UNC5C: variants seen among roughly 807,000 people sequenced by gnomAD.
The protein encoded by UNC5C is unc-5 netrin receptor C, also known as netrin receptor UNC5C.
In UNC5C, 47 loss-of-function variants were observed where a neutral mutation model predicts 99.8. The observed-to-expected ratio is 0.47, with a 90% confidence interval of 0.37 to 0.60. The LOEUF is 0.60. UNC5C is among the 20% of genes least tolerant of loss of function. The probability of loss-of-function intolerance (pLI) is 0.00; values close to 1 mark genes in which losing one functional copy is unlikely to be tolerated. For missense variants in UNC5C, 1,062 were observed against 1,165.9 expected, an observed-to-expected ratio of 0.91 and a Z score of 1.30; for synonymous variants, 487 against 452.2, an observed-to-expected ratio of 1.08 and a Z score of -0.98.
At chr4:95,405,629 A>T (rs1745813394) in intron 1 of UNC5C, among the ~76,000 whole-genome samples, 1 of 152,154 alleles carries the variant, frequency 6.6e-6, no homozygotes, top group South Asian at 2.1e-4. Flanking sequence ...TTATTAAGAG[A>T]TCTGAGCTGA....
intron 1 of UNC5C, among the ~76,000 whole-genome samples, chr4:95,381,270 A>G (rs573587491): frequency 6.6e-6 from 1 of 152,320 alleles, no homozygotes; most frequent in Admixed American, 6.5e-5. Context: ...TTGAAGAGCT[A>G]TACCATGGAG....
chr4:95,272,423 A>G (rs1446126261), intron 4 of UNC5C, among the ~76,000 whole-genome samples: 4 of 152,242 alleles, frequency 2.6e-5, no homozygotes, highest in Non-Finnish European at 1.5e-5. Flanking sequence ...TTTAAAATGC[A>G]TGTTTATGTT....
At chr4:95,292,266 T>TATATATATATATATAA (rs1361082093) in intron 3 of UNC5C, among the ~76,000 whole-genome samples, 1 of 58,106 alleles carries the variant, frequency 1.7e-5, no homozygotes, top group Non-Finnish European at 3.4e-5. Flanking sequence ...TATATATATA[T>TATATATATATATATAA]AAATTTTTTT....
intron 1 of UNC5C, among the ~76,000 whole-genome samples, chr4:95,469,156 G>A (rs1403432579): frequency 3.3e-5 from 5 of 151,922 alleles, no homozygotes; most frequent in African/African-American, 9.7e-5. Flanking sequence ...TTTCTTTTGC[G>A]GCATTTCTTC....
At chr4:95,260,513 T>C (rs1740180403) in intron 4 of UNC5C, among the ~76,000 whole-genome samples, 1 of 152,178 alleles carries the variant, frequency 6.6e-6, no homozygotes. Context: ...CATGGAATAG[T>C]TGTCCCTGAG....
intron 2 of UNC5C, among the ~76,000 whole-genome samples, chr4:95,303,817 A>G (rs369092417): frequency 6.6e-6 from 1 of 152,314 alleles, no homozygotes; most frequent in African/African-American, 2.4e-5. Flanking sequence ...GTACATGTGT[A>G]TATCTGTGTG....
intron 1 of UNC5C, among the ~76,000 whole-genome samples, chr4:95,450,089 G>A (rs1747237513): frequency 6.6e-6 from 1 of 152,170 alleles, no homozygotes; most frequent in Non-Finnish European, 1.5e-5. Flanking sequence ...GAATCTCTCT[G>A]TTTCTATCTA....
At chr4:95,535,160 C>A (rs1722741813) in intron 1 of UNC5C, among the ~76,000 whole-genome samples, 1 of 152,034 alleles carries the variant, frequency 6.6e-6, no homozygotes, top group Non-Finnish European at 1.5e-5. Flanking sequence ...CCTAAACTTG[C>A]TTATTCATAA....
intron 10 of UNC5C, among the ~76,000 whole-genome samples, chr4:95,207,254 G>T (rs1471504499): frequency 6.6e-6 from 1 of 152,096 alleles, no homozygotes; most frequent in Non-Finnish European, 1.5e-5. Context: ...TCAGAATGAG[G>T]ACACTCTAGA....
At chr4:95,257,829 G>A (rs1740064652) in intron 4 of UNC5C, among the ~76,000 whole-genome samples, 1 of 152,176 alleles carries the variant, frequency 6.6e-6, no homozygotes, top group South Asian at 2.1e-4. Flanking sequence ...AACTGAACAT[G>A]GATATTGATA....
intron 4 of UNC5C, among the ~76,000 whole-genome samples, chr4:95,258,823 G>A (rs1052856217): frequency 5.1e-5 from 7 of 137,390 alleles, no homozygotes; most frequent in African/African-American, 1.1e-4. Context: ...CTGCAGTGGC[G>A]CAATCTCGGC....
intron 1 of UNC5C, among the ~76,000 whole-genome samples, chr4:95,499,875 TAAC>T (rs1232084723): frequency 6.6e-6 from 1 of 151,902 alleles, no homozygotes. Context: ...CTGTGGAAAT[TAAC>T]AAAAAAGGAT....
At chr4:95,351,174 C>A (rs1048818566) in intron 1 of UNC5C, among the ~76,000 whole-genome samples, 5 of 152,084 alleles carry the variant, frequency 3.3e-5, no homozygotes, top group African/African-American at 1.2e-4. Context: ...TTAGCCCTTG[C>A]TAACCTCTCC....
intron 2 of UNC5C, among the ~76,000 whole-genome samples, chr4:95,315,684 T>G (rs1742449275): frequency 6.6e-6 from 1 of 152,174 alleles, no homozygotes; most frequent in Middle Eastern, 3.2e-3. Context: ...AGCCATGAGG[T>G]ATGGATCATA....
rs745405101 is a variant in UNC5C at position 95,183,059 on chromosome 4, T to C, written c.2289A>G (p.Glu763=). The change falls in exon 14 of 16, where the codon GAA becomes GAG. Residue 763 remains glutamate (E), a splice_region_variant and synonymous_variant. Transcript: ENST00000453304. The part of the protein sequence containing the change: ...WKSKLLAKYQ[E]IPFYHVWSGS... ...CACTCCAAACATGGTAAAATGGAATTTCCTAAAGGATATGAAAGTGTTAAC... is the reference window on the plus strand; with the variant it reads ...CACTCCAAACATGGTAAAATGGAATCTCCTAAAGGATATGAAAGTGTTAAC... 3.7e-6 allele frequency: 6 copies of C among 1,603,898 alleles called. No individual in the cohort carries two copies. The highest frequency in any genetic ancestry group is 5.1e-6 in the Non-Finnish European group (6 of 1,172,026).
intron 10 of UNC5C, among the ~76,000 whole-genome samples, chr4:95,210,848 A>C (rs1472223746): frequency 3.3e-5 from 5 of 152,198 alleles, no homozygotes; most frequent in Admixed American, 2.0e-4. Flanking sequence ...TCTAATCAAG[A>C]GTGCATAATT....
intron 1 of UNC5C, among the ~76,000 whole-genome samples, chr4:95,495,405 T>C (rs1721605328): frequency 6.6e-6 from 1 of 151,614 alleles, no homozygotes; most frequent in African/African-American, 2.4e-5. Flanking sequence ...AAAGAGATTG[T>C]CAGTTTCAAA....
chr4:95,362,772 T>G (rs1744433423), intron 1 of UNC5C, among the ~76,000 whole-genome samples: 1 of 142,274 alleles, frequency 7.0e-6, no homozygotes, highest in African/African-American at 2.5e-5. Context: ...GCACTTTTAT[T>G]TCATTCATTG....
At chr4:95,482,444 A>T (rs879529687) in intron 1 of UNC5C, among the ~76,000 whole-genome samples, 9,441 of 149,928 alleles carry the variant, frequency 0.063, 325 homozygotes, top group Middle Eastern at 0.093. Context: ...TGTGGAAGTC[A>T]GTGTGGCGAT....
Sources: allele counts gnomAD v4.1 joint callset (sites outside exome capture counted in the v4.1 genomes callset), GRCh38; gene constraint gnomAD v4.1.1; transcripts MANE v1.5; gene names NCBI Gene and HGNC (gene_info 2026-07-23, HGNC 2026-07-21).